COG6: variants seen among roughly 807,000 people sequenced by gnomAD.
COG6 encodes the protein conserved oligomeric Golgi complex subunit 6.
A neutral mutation model predicts 88.8 loss-of-function variants in COG6; 74 were observed. The observed-to-expected ratio is 0.83, with a 90% CI of 0.69 to 1.01. COG6 has a LOEUF of 1.01. COG6 is among the 50% of genes least tolerant of loss of function. The pLI is 0.00. For missense variants in COG6, 800 were observed against 797.9 expected (o/e 1.00, Z -0.03); for synonymous variants, 286 against 278.7 (o/e 1.03, Z -0.26).
At chr13:39,679,920 G>A in intron 6 of COG6, 55 bp from the exon 7 acceptor site, 5 of 911,332 alleles carry the variant, frequency 5.5e-6, no homozygotes, top group South Asian at 2.8e-5. Context: ...ATAATTAGGT[G>A]CTTAGATGTA....
At chr13:39,656,877 G>A (rs1197605399) in intron 1 of COG6, 1 of 455,822 alleles carries the variant, frequency 2.2e-6, no homozygotes, top group East Asian at 6.9e-5. Flanking sequence ...TGAGGACTCA[G>A]TGAGAGACTC....
At chr13:39,699,943 A>G (rs1487545842) in intron 13 of COG6, among the ~76,000 whole-genome samples, 1 of 151,894 alleles carries the variant, frequency 6.6e-6, no homozygotes, top group African/African-American at 2.4e-5. Flanking sequence ...CAGATTGGAA[A>G]ACCAGAACTC....
upstream of COG6, chr13:39,655,653 A>G (rs531910418): frequency 8.6e-6 from 13 of 1,510,800 alleles, no homozygotes; most frequent in East Asian, 2.2e-4. Context: ...CGATTTGCAC[A>G]TGCGCAATAC....
chr13:39,778,398 T>C (rs914006493), intron 18 of COG6, among the ~76,000 whole-genome samples: 8 of 152,218 alleles, frequency 5.3e-5, no homozygotes, highest in Non-Finnish European at 1.5e-5. Context: ...GTAGCTCATG[T>C]GCATTATTGA....
downstream of COG6, among the ~76,000 whole-genome samples, chr13:39,754,512 T>C (rs1880769286): frequency 6.6e-6 from 1 of 152,218 alleles, no homozygotes; most frequent in South Asian, 2.1e-4. Context: ...ATTCTTATGC[T>C]AGGTTGTTAG....
intron 13 of COG6, among the ~76,000 whole-genome samples, chr13:39,716,445 A>G (rs1380747003): frequency 2.0e-5 from 3 of 152,054 alleles, no homozygotes; most frequent in African/African-American, 7.2e-5. Context: ...TTTCAAATTA[A>G]TCTGCTAGTC....
intron 13 of COG6, among the ~76,000 whole-genome samples, chr13:39,711,804 G>T (rs1878252703): frequency 6.6e-6 from 1 of 152,122 alleles, no homozygotes; most frequent in South Asian, 2.1e-4. Flanking sequence ...TAATATTTCA[G>T]TCTTTTAAAA....
intron 18 of COG6, among the ~76,000 whole-genome samples, chr13:39,749,546 A>G (rs546311621): frequency 6.6e-6 from 1 of 152,340 alleles, no homozygotes; most frequent in Non-Finnish European, 1.5e-5. Flanking sequence ...TAGGAGTGGT[A>G]AAAGCTATAT....
intron 13 of COG6, among the ~76,000 whole-genome samples, chr13:39,707,048 A>G (rs986462904): frequency 5.9e-5 from 9 of 152,130 alleles, no homozygotes; most frequent in African/African-American, 2.2e-4. Context: ...AAAATATTCA[A>G]ATTTTGAAAT....
At chr13:39,721,630 G>A (rs986741453) in intron 15 of COG6, among the ~76,000 whole-genome samples, 2 of 152,066 alleles carry the variant, frequency 1.3e-5, no homozygotes, top group African/African-American at 2.4e-5. Context: ...GCCTGGATTC[G>A]GTGTGATAGA....
chr13:39,688,256 T>C (rs1393491467), intron 10 of COG6, among the ~76,000 whole-genome samples: 1 of 152,168 alleles, frequency 6.6e-6, no homozygotes, highest in African/African-American at 2.4e-5. Flanking sequence ...TGGCACTGTT[T>C]TAAAATTTTA....
intron 18 of COG6, among the ~76,000 whole-genome samples, chr13:39,786,831 G>T (rs1269950917): frequency 6.6e-6 from 1 of 152,084 alleles, no homozygotes; most frequent in African/African-American, 2.4e-5. Context: ...ATTCGTGTAA[G>T]CCCCCTCAGA....
intron 7 of COG6, among the ~76,000 whole-genome samples, chr13:39,681,353 C>T (rs975623499): frequency 6.6e-6 from 1 of 152,134 alleles, no homozygotes; most frequent in Non-Finnish European, 1.5e-5. Context: ...CATTGCATCT[C>T]ATTGTATTTT....
At chr13:39,669,183 CT>C (rs780116902) in intron 4 of COG6, among the ~76,000 whole-genome samples, 16 of 152,282 alleles carry the variant, frequency 1.1e-4, no homozygotes, top group Non-Finnish European at 2.9e-5. Context: ...AAGCCTGTGC[CT>C]TCACCATAAA....
chr13:39,680,014 G>A lies in COG6; in HGVS notation c.663G>A (p.Thr221=), dbSNP rs746682554. The change falls in exon 7 of 19, where the codon ACG becomes ACA. Residue 221 remains threonine (T), a synonymous_variant. Transcript: ENST00000455146. ...IMEQMALLQE[T]AYERLYRWAQ... is the part of the protein sequence containing the mutation. ...AACAGATGGCCTTACTTCAAGAAAC[G>A]GCTTATGAAAGACTTTACCGATGGG... The A allele has an allele frequency of 3.8e-6, 6 of 1,588,890 alleles. No homozygotes were observed. The highest frequency in any genetic ancestry group is 1.7e-5 in the Admixed American group (1 of 59,900).
intron 18 of COG6, among the ~76,000 whole-genome samples, chr13:39,735,722 TTTTG>T (rs1303652762): frequency 0.045 from 3,114 of 68,456 alleles, 86 homozygotes; most frequent in African/African-American, 0.12. Context: ...TTTTTTTTTT[TTTTG>T]GTCTGGGAAA....
chr13:39,738,953 C>T (rs1879906191), intron 18 of COG6, among the ~76,000 whole-genome samples: 2 of 152,004 alleles, frequency 1.3e-5, no homozygotes, highest in Non-Finnish European at 2.9e-5. Context: ...CTGCATAGTC[C>T]TCTCAGTAAT....
rs1566039854 is a variant in COG6 at position 39,752,012 on chromosome 13, G to A, written c.*919G>A. On this transcript the variant is annotated 3_prime_UTR_variant, in exon 19 of 19. Coordinates refer to ENST00000455146, the MANE Select transcript of COG6 (RefSeq NM_020751.3). Reference sequence around the variant, plus strand: ...GAAAAAAACTGCCAGAGGAGGAGTTGCCAATTGGCAGTGTGTCTTATCTCC... The same window carrying A: ...GAAAAAAACTGCCAGAGGAGGAGTTACCAATTGGCAGTGTGTCTTATCTCC... The A allele has an allele frequency of 7.9e-7, 1 of 1,264,962 alleles. No individual in the cohort carries two copies. Among genetic ancestry groups the A allele is most frequent in the Non-Finnish European group, 1.0e-6 (1 of 968,358 alleles). 78.4% of individuals were successfully genotyped at this position (1,264,962 alleles called of 1,614,324 possible). A position where few individuals can be genotyped will look rare whatever the true frequency, so the allele number is the denominator to read the frequency against.
intron 6 of COG6, 47 bp from the exon 7 acceptor site, chr13:39,679,928 G>A (rs1876209128): frequency 1.0e-6 from 1 of 981,208 alleles, no homozygotes; most frequent in Non-Finnish European, 1.6e-6. Context: ...GTGCTTAGAT[G>A]TATCTGTTGA....
Sources: allele counts gnomAD v4.1 joint callset (sites outside exome capture counted in the v4.1 genomes callset), GRCh38; gene constraint gnomAD v4.1.1; transcripts MANE v1.5; gene names NCBI Gene and HGNC (gene_info 2026-07-23, HGNC 2026-07-21).